PDE5A: variants seen among roughly 807,000 people sequenced by gnomAD.
PDE5A encodes the protein phosphodiesterase 5A.
A neutral mutation model predicts 110.2 loss-of-function variants in PDE5A; 67 were observed. The observed-to-expected ratio is 0.61, with a 90% CI of 0.50 to 0.75. PDE5A has a LOEUF of 0.75. PDE5A is among the 30% of genes least tolerant of loss of function. The pLI is 0.00. For synonymous variants in PDE5A, 328 were observed against 351.2 expected (o/e 0.93, Z 0.74); for missense variants, 862 against 1,045.1 (o/e 0.82, Z 2.42).
intron 10 of PDE5A, among the ~76,000 whole-genome samples, chr4:119,539,281 C>G (rs925361485): frequency 6.6e-6 from 1 of 151,768 alleles, no homozygotes; most frequent in Non-Finnish European, 1.5e-5. Flanking sequence ...CTATAACAAA[C>G]ACATTATTTA....
chr4:119,551,027 C>T (rs990318651), intron 9 of PDE5A, among the ~76,000 whole-genome samples: 1 of 152,096 alleles, frequency 6.6e-6, no homozygotes, highest in Non-Finnish European at 1.5e-5. Flanking sequence ...AACAGCCCAG[C>T]AGGGGGTTGG....
At chr4:119,531,173 A>G (rs9996803) in intron 11 of PDE5A, among the ~76,000 whole-genome samples, 2,296 of 152,300 alleles carry the variant, frequency 0.015, 60 homozygotes, top group African/African-American at 0.052. Context: ...ATGAATAAAA[A>G]GTTTACACTT....
At chr4:119,609,118 C>G (rs773844894) in intron 1 of PDE5A, among the ~76,000 whole-genome samples, 2 of 151,640 alleles carry the variant, frequency 1.3e-5, no homozygotes, top group African/African-American at 4.8e-5. Context: ...GCTGAGATCG[C>G]GCCATTGCAC....
At chr4:119,504,267 G>T (rs1725479236) in intron 18 of PDE5A, among the ~76,000 whole-genome samples, 1 of 152,062 alleles carries the variant, frequency 6.6e-6, no homozygotes, top group South Asian at 2.1e-4. Context: ...TCATGTTGCT[G>T]CAAAGGACAT....
chr4:119,546,706 A>G (rs917061033), intron 9 of PDE5A, among the ~76,000 whole-genome samples: 1 of 145,372 alleles, frequency 6.9e-6, no homozygotes, highest in South Asian at 2.1e-4. Context: ...GGGAGACTTG[A>G]TATCTCGTAA....
chr4:119,500,836 CTTTA>C (rs1217020701), intron 20 of PDE5A: 9 of 172,030 alleles, frequency 5.2e-5, no homozygotes, highest in Non-Finnish European at 8.6e-5. Context: ...GATTACTTTT[CTTTA>C]TTTAGGCTAA....
intron 2 of PDE5A, among the ~76,000 whole-genome samples, chr4:119,601,508 T>G (rs1418561078): frequency 6.6e-6 from 1 of 151,856 alleles, no homozygotes; most frequent in Admixed American, 6.6e-5. Flanking sequence ...TCCTGAGTTG[T>G]ATGTAACCTT....
chr4:119,528,544 G>A (rs1726409863), intron 11 of PDE5A, among the ~76,000 whole-genome samples: 1 of 152,088 alleles, frequency 6.6e-6, no homozygotes. Context: ...TAAAAGGAAG[G>A]TGAAGCAAGT....
chr4:119,587,560 A>G (rs968175632), intron 3 of PDE5A, among the ~76,000 whole-genome samples: 7 of 151,810 alleles, frequency 4.6e-5, no homozygotes, highest in Admixed American at 1.3e-4. Context: ...ATTTTTTTGT[A>G]TTTTTAGTAG....
intron 11 of PDE5A, among the ~76,000 whole-genome samples, chr4:119,536,370 G>A (rs1288358958): frequency 6.6e-6 from 1 of 152,134 alleles, no homozygotes; most frequent in East Asian, 1.9e-4. Flanking sequence ...TAACCCTGCA[G>A]TGCCTGCAGG....
Position 119,552,666 on chromosome 4 carries a change from C to A in PDE5A, c.1309-29G>T, listed in dbSNP as rs200415078. On this transcript the variant is annotated intron_variant, in intron 8 of 20. Coordinates refer to ENST00000354960, the MANE Select transcript of PDE5A (RefSeq NM_001083.4). ...AACAAAAATAAAAAGAACAAAACAG[C>A]TAAAATGGTAAAGAGATTGATTTGT... 2.5e-5 allele frequency: 30 copies of A among 1,218,552 alleles called. No homozygotes were observed. The East Asian group carries it at 5.5e-4, about 22-fold the overall frequency. 75.5% of individuals were successfully genotyped at this position (1,218,552 alleles called of 1,614,324 possible).
At chr4:119,565,493 TAC>T in intron 4 of PDE5A, 83 bp from the exon 5 acceptor site, 2 of 903,752 alleles carry the variant, frequency 2.2e-6, no homozygotes, top group Non-Finnish European at 1.8e-6. Flanking sequence ...CTCAAATATT[TAC>T]AGTTAGAAAG....
chr4:119,572,160 T>C (rs1481143165), intron 3 of PDE5A, among the ~76,000 whole-genome samples: 1 of 152,216 alleles, frequency 6.6e-6, no homozygotes, highest in African/African-American at 2.4e-5. Flanking sequence ...ATACGCCCTA[T>C]ACGAGGCAGG....
intron 15 of PDE5A, among the ~76,000 whole-genome samples, chr4:119,509,330 T>C (rs1474966448): frequency 1.3e-5 from 2 of 151,970 alleles, no homozygotes; most frequent in Admixed American, 6.6e-5. Flanking sequence ...CAAGTAGAAA[T>C]GCTGGTTTGA....
At chr4:119,599,841 T>G (rs772613695) in intron 2 of PDE5A, among the ~76,000 whole-genome samples, 35 of 151,794 alleles carry the variant, frequency 2.3e-4, no homozygotes, top group Middle Eastern at 3.4e-3. Flanking sequence ...AACCTTAAGC[T>G]TACACACATG....
intron 3 of PDE5A, among the ~76,000 whole-genome samples, chr4:119,575,055 CCG>C: frequency 6.6e-6 from 1 of 152,060 alleles, no homozygotes; most frequent in Non-Finnish European, 1.5e-5. Flanking sequence ...GCCTCAGTAG[CCG>C]ATTCGATCAA....
At chr4:119,505,797 TAGTG>T (rs1222171644) in intron 17 of PDE5A, 54 bp downstream of exon 17, 18 of 988,202 alleles carry the variant, frequency 1.8e-5, no homozygotes, top group East Asian at 8.1e-5. Flanking sequence ...GAGGAAAAAA[TAGTG>T]AGAAAATTAA....
At chr4:119,593,716 G>T (rs1203491000) in intron 3 of PDE5A, among the ~76,000 whole-genome samples, 2 of 152,096 alleles carry the variant, frequency 1.3e-5, no homozygotes, top group African/African-American at 4.8e-5. Context: ...CACTTAAGCT[G>T]GGTAAATTAT....
chr4:119,538,262 A>C (rs1026337209), intron 11 of PDE5A, among the ~76,000 whole-genome samples: 1 of 152,134 alleles, frequency 6.6e-6, no homozygotes, highest in Non-Finnish European at 1.5e-5. Flanking sequence ...GGATGACAGA[A>C]AAAGACTCTC....
Sources: gnomAD v4.1 joint callset for allele counts (sites outside exome capture counted in the v4.1 genomes callset) on GRCh38, gnomAD v4.1.1 for gene constraint, MANE v1.5 for transcripts, NCBI Gene and HGNC (gene_info 2026-07-23, HGNC 2026-07-21) for gene names.